Variants in KCNB2 observed in about 807,000 individuals in gnomAD.
The protein encoded by KCNB2 is potassium voltage-gated channel subfamily B member 2, also known as delayed rectifier potassium channel protein.
A neutral mutation model predicts 61.5 loss-of-function variants in KCNB2; 15 were observed. The observed-to-expected ratio is 0.24, with a 90% CI of 0.16 to 0.38. The LOEUF (loss-of-function observed/expected upper bound fraction) is 0.38, where lower values mean the gene tolerates loss of function less well. Among genes scored for constraint, KCNB2 ranks in the 10% least tolerant of loss-of-function variants. The pLI is 1.00. For synonymous variants in KCNB2, 457 were observed against 446.0 expected, an observed-to-expected ratio of 1.02 and a Z score of -0.31; for missense variants, 828 against 1,125.2, an observed-to-expected ratio of 0.74 and a Z score of 3.78.
intron 2 of KCNB2, among the ~76,000 whole-genome samples, chr8:72,831,305 T>G (rs1809690249): frequency 6.6e-6 from 1 of 152,234 alleles, no homozygotes; most frequent in Admixed American, 6.5e-5. Context: ...CAATAAAATA[T>G]GAATGCCCAA....
chr8:72,832,404 G>A (rs1381919230), intron 2 of KCNB2, among the ~76,000 whole-genome samples: 1 of 152,128 alleles, frequency 6.6e-6, no homozygotes, highest in Non-Finnish European at 1.5e-5. Flanking sequence ...AGTTTTAGAA[G>A]GATTGGAGGC....
At chr8:72,858,863 CTT>C (rs1810249125) in intron 2 of KCNB2, among the ~76,000 whole-genome samples, 1 of 152,188 alleles carries the variant, frequency 6.6e-6, no homozygotes, top group Non-Finnish European at 1.5e-5. Context: ...TTCCTGGTAA[CTT>C]TCTCTGAATA....
At chr8:72,780,995 T>C (rs185238297) in intron 2 of KCNB2, among the ~76,000 whole-genome samples, 1 of 152,208 alleles carries the variant, frequency 6.6e-6, no homozygotes, top group Non-Finnish European at 1.5e-5. Flanking sequence ...CTTTTTTTCA[T>C]ATGTTTGTTG....
chr8:72,791,705 C>T (rs1585895585), intron 2 of KCNB2, among the ~76,000 whole-genome samples: 1 of 152,216 alleles, frequency 6.6e-6, no homozygotes, highest in African/African-American at 2.4e-5. Context: ...GAAAGGCCAC[C>T]TCTCTTCATG....
intron 2 of KCNB2, among the ~76,000 whole-genome samples, chr8:72,830,378 C>A (rs899298228): frequency 6.6e-6 from 1 of 152,104 alleles, no homozygotes; most frequent in African/African-American, 2.4e-5. Context: ...CCAAGATGGA[C>A]CCATTCAAAG....
intron 2 of KCNB2, among the ~76,000 whole-genome samples, chr8:72,611,866 C>T (rs1805547564): frequency 6.6e-6 from 1 of 152,032 alleles, no homozygotes; most frequent in African/African-American, 2.4e-5. Context: ...TGGATCCTCA[C>T]TTTCTTCGTT....
intron 2 of KCNB2, among the ~76,000 whole-genome samples, chr8:72,881,155 C>A (rs1805700764): frequency 1.2e-4 from 1 of 8,438 alleles, no homozygotes; most frequent in South Asian, 2.7e-3. Context: ...GCGGGCGCCC[C>A]TCCCCCAGCC....
intron 2 of KCNB2, among the ~76,000 whole-genome samples, chr8:72,808,003 T>C (rs936579125): frequency 6.6e-6 from 1 of 152,190 alleles, no homozygotes; most frequent in Admixed American, 6.5e-5. Flanking sequence ...ATTGCCAGAA[T>C]ATCCTACCAT....
chr8:72,793,010 G>C (rs989886428), intron 2 of KCNB2, among the ~76,000 whole-genome samples: 5 of 152,300 alleles, frequency 3.3e-5, no homozygotes, highest in African/African-American at 1.2e-4. Flanking sequence ...ATGACGGTTT[G>C]AAACCTGTGA....
chr8:72,784,823 A>C (rs543896138), intron 2 of KCNB2, among the ~76,000 whole-genome samples: 39 of 152,276 alleles, frequency 2.6e-4, no homozygotes, highest in African/African-American at 9.1e-4. Context: ...GATCTACTGA[A>C]GGCCAGGGAC....
chr8:72,697,113 C>A (rs1390692923), intron 2 of KCNB2, among the ~76,000 whole-genome samples: 1 of 152,108 alleles, frequency 6.6e-6, no homozygotes, highest in East Asian at 1.9e-4. Context: ...TGTTTCAAAG[C>A]CTATAATCAA....
intron 2 of KCNB2, among the ~76,000 whole-genome samples, chr8:72,907,363 A>AAAAAAC (rs937300134): frequency 3.3e-5 from 5 of 152,106 alleles, no homozygotes; most frequent in African/African-American, 4.8e-5. Context: ...CTCAAAAAAC[A>AAAAAAC]AAAAACAAAA....
At chr8:72,625,985 G>A (rs1340762733) in intron 2 of KCNB2, among the ~76,000 whole-genome samples, 4 of 151,994 alleles carry the variant, frequency 2.6e-5, no homozygotes, top group Admixed American at 2.6e-4. Context: ...ATACATAACT[G>A]CCAAAAGTCA....
At chr8:72,814,687 AT>A (rs1464415726) in intron 2 of KCNB2, among the ~76,000 whole-genome samples, 10 of 152,176 alleles carry the variant, frequency 6.6e-5, no homozygotes. Context: ...ATTTAAATTA[AT>A]TTTCATTTAG....
chr8:72,635,407 A>G (rs569325510), intron 2 of KCNB2, among the ~76,000 whole-genome samples: 2 of 152,170 alleles, frequency 1.3e-5, no homozygotes, highest in African/African-American at 4.8e-5. Flanking sequence ...TGGAGGAATT[A>G]TCTTCTCAGG....
At chr8:72,872,262 G>A (rs1805630213) in intron 2 of KCNB2, among the ~76,000 whole-genome samples, 1 of 152,232 alleles carries the variant, frequency 6.6e-6, no homozygotes, top group African/African-American at 2.4e-5. Flanking sequence ...GTGCAGCTGT[G>A]ATTGTAATTG....
chr8:72,863,384 T>G (rs908348700), intron 2 of KCNB2, among the ~76,000 whole-genome samples: 1 of 152,252 alleles, frequency 6.6e-6, no homozygotes, highest in Non-Finnish European at 1.5e-5. Flanking sequence ...AATTTTGAAT[T>G]CGTGGAATTT....
chr8:72,575,707 C>G (rs1325748587), intron 2 of KCNB2, among the ~76,000 whole-genome samples: 1 of 151,994 alleles, frequency 6.6e-6, no homozygotes, highest in Non-Finnish European at 1.5e-5. Context: ...AGGCAGTCCA[C>G]TAGAAATACA....
intron 2 of KCNB2, among the ~76,000 whole-genome samples, chr8:72,591,780 G>C (rs1218834189): frequency 1.3e-5 from 2 of 152,146 alleles, no homozygotes; most frequent in East Asian, 3.9e-4. Context: ...TGGATCCTGT[G>C]TACGTAGCAT....
Sources: allele counts gnomAD v4.1 joint callset (sites outside exome capture counted in the v4.1 genomes callset), GRCh38; gene constraint gnomAD v4.1.1; transcripts MANE v1.5; gene names NCBI Gene and HGNC (gene_info 2026-07-23, HGNC 2026-07-21).